SEC31A: variants seen among roughly 807,000 people sequenced by gnomAD.
SEC31A encodes the protein protein transport protein Sec31A.
In SEC31A, 70 loss-of-function variants were observed where a neutral mutation model predicts 151.0. That is an observed-to-expected ratio of 0.46 (90% CI 0.38 to 0.57). SEC31A has a LOEUF of 0.57. SEC31A is among the 20% of genes least tolerant of loss of function. The pLI, the probability that SEC31A is intolerant of heterozygous loss-of-function variation, is 0.00. For synonymous variants in SEC31A, 475 were observed against 505.9 expected, an observed-to-expected ratio of 0.94 and a Z score of 0.82; for missense variants, 1,330 against 1,471.2, an observed-to-expected ratio of 0.90 and a Z score of 1.57.
At chr4:82,870,989 C>T (rs1434231844) in intron 7 of SEC31A, among the ~76,000 whole-genome samples, 1 of 152,132 alleles carries the variant, frequency 6.6e-6, no homozygotes, top group Non-Finnish European at 1.5e-5. Flanking sequence ...TCAAGACCAA[C>T]CTGGGCAATA....
At chr4:82,894,398 T>C (rs1481287027), upstream of SEC31A, 2 of 152,250 alleles carry the variant, frequency 1.3e-5, no homozygotes, top group Admixed American at 1.3e-4. Flanking sequence ...GCTCTATTCT[T>C]GTCTGTAGCT....
In SEC31A at chr4:82,878,764, C is replaced by A; in HGVS notation, c.368G>T (p.Gly123Val). The A allele has an allele frequency of 6.2e-7, 1 of 1,614,088 alleles. No individual in the cohort carries two copies. The highest frequency in any genetic ancestry group is 1.1e-5 in the South Asian group (1 of 91,078). ...GTTCACATCCAAGGCTCTCACTGGG[C>A]CAGTATGCTTGTCATTCTGGGCAAT... The part of the protein sequence containing the change: ...VVIAQNDKHT[G>V]PVRALDVNIF... The change falls in exon 4 of 27, where the codon GGC (glycine) becomes GTC (valine). Residue 123 changes from glycine to valine, a missense_variant. Gly to Val is a moderately radical substitution (Grantham distance 109, BLOSUM62 -3). Coordinates refer to ENST00000395310, the MANE Select transcript of SEC31A (RefSeq NM_001077207.4).
chr4:82,888,398 A>ATG (rs1560676473), intron 1 of SEC31A, among the ~76,000 whole-genome samples: 22 of 48,646 alleles, frequency 4.5e-4, no homozygotes, highest in Non-Finnish European at 1.3e-3. Flanking sequence ...ATATATATAT[A>ATG]CACACAGACA....
chr4:82,887,816 T>C (rs1413631388), intron 1 of SEC31A, among the ~76,000 whole-genome samples: 1 of 151,506 alleles, frequency 6.6e-6, no homozygotes. Flanking sequence ...CCCAGCACTT[T>C]GGGAGGTCGA....
intron 24 of SEC31A, among the ~76,000 whole-genome samples, chr4:82,825,947 A>AT (rs1724453599): frequency 1.3e-5 from 2 of 152,226 alleles, no homozygotes; most frequent in Admixed American, 1.3e-4. Flanking sequence ...CACAGAAAAG[A>AT]TTATGGTGCC....
chr4:82,827,537 T>C lies in SEC31A; in HGVS notation c.3123A>G (p.Ser1041=), dbSNP rs1196610175. 1 of 1,614,110 alleles carries C rather than the reference T, an allele frequency of 6.2e-7. No individual in the cohort carries two copies. The highest frequency in any genetic ancestry group is 8.5e-7 in the Non-Finnish European group (1 of 1,180,048). Residue 1041 remains serine, a synonymous_variant, in exon 24 of 27, where the codon TCA becomes TCG. Transcript: ENST00000395310. ...PQSQMLQQQP[S]APVPLSSQSS... is the part of the protein sequence containing the mutation. ...ACTGGCTTGACAGTGGTACTGGAGC[T>C]GAAGGCTGTTGCTGCAGCATTTGTG... is the stretch of plus-strand genomic sequence containing the variant.
chr4:82,891,481 C>T (rs148284309), upstream of SEC31A, among the ~76,000 whole-genome samples: 421 of 152,340 alleles, frequency 2.8e-3, 1 homozygote, highest in African/African-American at 9.7e-3. Context: ...GGCCGAATAA[C>T]CGCCGTGGCC....
At chr4:82,838,397 T>A (rs1481016987) in intron 22 of SEC31A, among the ~76,000 whole-genome samples, 2 of 152,188 alleles carry the variant, frequency 1.3e-5, no homozygotes, top group African/African-American at 4.8e-5. Context: ...CCTGCTATCC[T>A]GTGCTGCCAT....
chr4:82,822,276 T>C (rs908044023), intron 25 of SEC31A, among the ~76,000 whole-genome samples: 11 of 151,814 alleles, frequency 7.2e-5, no homozygotes, highest in Admixed American at 6.6e-4. Flanking sequence ...TGGTGATAAC[T>C]GCTATGAAGA....
intron 8 of SEC31A, among the ~76,000 whole-genome samples, chr4:82,869,552 A>G (rs560719638): frequency 3.3e-5 from 5 of 152,182 alleles, no homozygotes; most frequent in Admixed American, 2.6e-4. Context: ...GAAAATGATA[A>G]CAGAATAGTA....
intron 20 of SEC31A, chr4:82,845,403 T>C (rs188567009): frequency 1.3e-5 from 7 of 545,086 alleles, no homozygotes; most frequent in Admixed American, 7.6e-5. Context: ...AAAGGTAAGA[T>C]TGGCAAGATA....
At chr4:82,841,589 C>T (rs868220269) in intron 22 of SEC31A, among the ~76,000 whole-genome samples, 4 of 142,478 alleles carry the variant, frequency 2.8e-5, no homozygotes, top group Middle Eastern at 4.0e-3. Flanking sequence ...TGCAGTGAGC[C>T]GAGATCACGC....
intron 10 of SEC31A, among the ~76,000 whole-genome samples, chr4:82,865,476 A>G (rs141646929): frequency 0.012 from 1,713 of 142,354 alleles, 34 homozygotes; most frequent in African/African-American, 0.04. Flanking sequence ...TTTATTCACA[A>G]TAGCCAAAAG....
chr4:82,860,501 G>A (rs541012758), intron 14 of SEC31A, among the ~76,000 whole-genome samples: 1 of 152,078 alleles, frequency 6.6e-6, no homozygotes, highest in African/African-American at 2.4e-5. Flanking sequence ...AATCAGACAG[G>A]GTCTTGCTCT....
chr4:82,835,650 C>T (rs1052717673), intron 22 of SEC31A, among the ~76,000 whole-genome samples: 1 of 152,104 alleles, frequency 6.6e-6, no homozygotes, highest in Non-Finnish European at 1.5e-5. Flanking sequence ...CAAAAATTAG[C>T]TGGACGTGGT....
At chr4:82,848,634 A>C (rs1279814964) in intron 20 of SEC31A, among the ~76,000 whole-genome samples, 170 bp downstream of exon 20, 6 of 152,224 alleles carry the variant, frequency 3.9e-5, no homozygotes, top group Admixed American at 3.9e-4. Context: ...AGATGATTTC[A>C]AAAAGTAGAT....
At chr4:82,888,357 A>C in intron 1 of SEC31A, among the ~76,000 whole-genome samples, 1 of 6,454 alleles carries the variant, frequency 1.5e-4, no homozygotes, top group African/African-American at 7.5e-4. Flanking sequence ...TCTCAAAAAA[A>C]AAAAAAAAAA....
intron 22 of SEC31A, among the ~76,000 whole-genome samples, chr4:82,839,210 G>T (rs962422469): frequency 2.0e-5 from 3 of 152,194 alleles, no homozygotes; most frequent in African/African-American, 7.2e-5. Context: ...GAGTGCAGTG[G>T]TGCGATCTCG....
chr4:82,851,287 T>C, intron 19 of SEC31A, 144 bp downstream of exon 19: 4 of 612,462 alleles, frequency 6.5e-6, no homozygotes. Flanking sequence ...TGAAGAATTG[T>C]CAATAACATT....
Sources: allele counts gnomAD v4.1 joint callset (sites outside exome capture counted in the v4.1 genomes callset), GRCh38; gene constraint gnomAD v4.1.1; transcripts MANE v1.5; gene names NCBI Gene and HGNC (gene_info 2026-07-23, HGNC 2026-07-21).